The following HAPSTR1 variants were observed in gnomAD, a reference collection of about 807,000 sequenced individuals.
HAPSTR1 encodes HUWE1 associated protein modifying stress responses.
the HAPSTR1 span, among the ~76,000 whole-genome samples, chr16:9,116,425 CGTA>C: frequency 2.6e-5 from 4 of 151,932 alleles, no homozygotes; most frequent in Admixed American, 2.6e-4. Context: ...GTGGTTGACA[CGTA>C]GTAACTTTTA....
At chr16:9,103,035 A>C in the HAPSTR1 span, 2 of 1,614,226 alleles carry the variant, frequency 1.2e-6, no homozygotes, top group Non-Finnish European at 1.7e-6. Context: ...CAGATTGGCT[A>C]TCAGCGACGC....
At chr16:9,113,939 G>T in the HAPSTR1 span, among the ~76,000 whole-genome samples, 1 of 152,176 alleles carries the variant, frequency 6.6e-6, no homozygotes, top group African/African-American at 2.4e-5. Flanking sequence ...TTGAACCTTT[G>T]ATTTCAGTGG....
the HAPSTR1 span, among the ~76,000 whole-genome samples, chr16:9,114,956 G>A: frequency 1.9e-3 from 288 of 152,338 alleles, no homozygotes; most frequent in African/African-American, 6.7e-3. Flanking sequence ...TTGAGAGGCT[G>A]AAGAGGGACA....
At chr16:9,116,974 A>G in the HAPSTR1 span, 482 of 1,586,392 alleles carry the variant, frequency 3.0e-4, 1 homozygote, top group African/African-American at 5.5e-3. Flanking sequence ...AACATATACT[A>G]TAATTGCAAA....
chr16:9,093,856 C>T, the HAPSTR1 span, among the ~76,000 whole-genome samples: 6 of 148,978 alleles, frequency 4.0e-5, no homozygotes, highest in South Asian at 1.1e-3. Flanking sequence ...TTTTTTTTGG[C>T]AAGATTTTTA....
chr16:9,106,345 G>A, the HAPSTR1 span: 5 of 141,368 alleles, frequency 3.5e-5, no homozygotes, highest in African/African-American at 1.3e-4. Flanking sequence ...AGGCTGGAGT[G>A]TAGTGCTCAC....
the HAPSTR1 span, chr16:9,110,379 A>G: frequency 1.3e-5 from 2 of 152,218 alleles, no homozygotes; most frequent in African/African-American, 4.8e-5. Flanking sequence ...TGTCACATCC[A>G]AAGTATAAAA....
the HAPSTR1 span, chr16:9,103,079 A>C: frequency 1.8e-5 from 29 of 1,614,206 alleles, no homozygotes; most frequent in East Asian, 5.1e-4. Flanking sequence ...TAAAAAACGC[A>C]GAAGAACTAT....
chr16:9,107,352 A>T, the HAPSTR1 span: 7 of 152,236 alleles, frequency 4.6e-5, no homozygotes, highest in African/African-American at 1.7e-4. Flanking sequence ...TATTCACGTC[A>T]TGAATGTGGT....
the HAPSTR1 span, among the ~76,000 whole-genome samples, chr16:9,095,553 A>T: frequency 6.6e-6 from 1 of 152,046 alleles, no homozygotes; most frequent in Non-Finnish European, 1.5e-5. Flanking sequence ...CCTGGGGACA[A>T]TTTGGCACTC....
chr16:9,102,273 C>G, the HAPSTR1 span, among the ~76,000 whole-genome samples: 2 of 148,744 alleles, frequency 1.3e-5, no homozygotes, highest in Admixed American at 1.3e-4. Flanking sequence ...TCAATTAAAA[C>G]TAAATAATAG....
At chr16:9,093,660 T>C in the HAPSTR1 span, among the ~76,000 whole-genome samples, 2 of 152,356 alleles carry the variant, frequency 1.3e-5, no homozygotes, top group South Asian at 4.1e-4. Flanking sequence ...GCAGGAATTC[T>C]GTTGAGAGTT....
chr16:9,092,624 C>T, the HAPSTR1 span, among the ~76,000 whole-genome samples: 1 of 151,896 alleles, frequency 6.6e-6, no homozygotes, highest in African/African-American at 2.4e-5. Context: ...CCCCATTGTG[C>T]CCTGAGCCGG....
chr16:9,102,851 T>G, the HAPSTR1 span: 3 of 848,660 alleles, frequency 3.5e-6, no homozygotes, highest in Non-Finnish European at 5.4e-6. Context: ...ATCATTTCAG[T>G]TTATATTACT....
the HAPSTR1 span, chr16:9,104,425 A>G: frequency 1.4e-4 from 22 of 152,204 alleles, no homozygotes; most frequent in African/African-American, 5.3e-4. Context: ...GAAAGTTAAC[A>G]TTTTTGGGCC....
At chr16:9,118,214 ATAT>A in the HAPSTR1 span, 2 of 152,696 alleles carry the variant, frequency 1.3e-5, no homozygotes, top group African/African-American at 2.4e-5. Flanking sequence ...TTATTCTATC[ATAT>A]TATTATATTA....
chr16:9,098,674 GAAT>G, the HAPSTR1 span, among the ~76,000 whole-genome samples: 1 of 152,114 alleles, frequency 6.6e-6, no homozygotes, highest in Non-Finnish European at 1.5e-5. Context: ...TCCCAAAAAA[GAAT>G]AAAATATTTT....
At chr16:9,093,394 C>T in the HAPSTR1 span, among the ~76,000 whole-genome samples, 1 of 152,188 alleles carries the variant, frequency 6.6e-6, no homozygotes, top group African/African-American at 2.4e-5. Flanking sequence ...ACGGCTGAGC[C>T]TTGCCTCCCT....
the HAPSTR1 span, chr16:9,107,910 A>G: frequency 1.3e-5 from 2 of 151,998 alleles, no homozygotes; most frequent in Non-Finnish European, 2.9e-5. Context: ...AGAACCTGAC[A>G]TAGGTGTAGT....
Sources: allele counts gnomAD v4.1 joint callset (sites outside exome capture counted in the v4.1 genomes callset), GRCh38; gene constraint gnomAD v4.1.1; transcripts MANE v1.5; gene names NCBI Gene and HGNC (gene_info 2026-07-23, HGNC 2026-07-21).